The following AXDND1 variants were observed in gnomAD, a reference collection of about 807,000 sequenced individuals.
AXDND1 encodes axonemal dynein light chain domain-containing protein 1.
Under a neutral mutation model 137.5 loss-of-function variants are expected in AXDND1, and 110 were observed. That is an observed-to-expected ratio of 0.80 (90% confidence interval 0.69 to 0.94). The LOEUF (loss-of-function observed/expected upper bound fraction) is 0.94. AXDND1 is among the 40% of genes least tolerant of loss of function. The probability of loss-of-function intolerance (pLI) is 0.00; values close to 1 mark genes in which losing one functional copy is unlikely to be tolerated. For synonymous variants in AXDND1, 414 were observed against 399.7 expected (o/e 1.04, Z -0.43); for missense variants, 1,191 against 1,169.8 (o/e 1.02, Z -0.26).
intron 25 of AXDND1, among the ~76,000 whole-genome samples, chr1:179,537,209 C>G (rs149368344): frequency 1.1e-4 from 16 of 152,354 alleles, no homozygotes; most frequent in East Asian, 5.8e-4. Context: ...ATTTCTTTCT[C>G]TTGCCTGATT....
intron 25 of AXDND1, among the ~76,000 whole-genome samples, chr1:179,541,430 A>T (rs11807786): frequency 2.6e-5 from 4 of 151,792 alleles, no homozygotes; most frequent in Non-Finnish European, 4.4e-5. Flanking sequence ...CTGGGAGCTG[A>T]AGACTGGAGC....
chr1:179,452,319 CTGTTA>C (rs1243526337), intron 16 of AXDND1: 1 of 152,894 alleles, frequency 6.5e-6, no homozygotes, highest in Non-Finnish European at 1.5e-5. Flanking sequence ...GACTTGAGTG[CTGTTA>C]AAGGCATTCA....
chr1:179,499,757 G>A (rs1667809422), intron 20 of AXDND1, among the ~76,000 whole-genome samples: 1 of 152,102 alleles, frequency 6.6e-6, no homozygotes, highest in East Asian at 1.9e-4. Flanking sequence ...AATTATTTCA[G>A]GAATGAGTAA....
At chr1:179,513,592 GA>G (rs944335315) in intron 21 of AXDND1, among the ~76,000 whole-genome samples, 17 of 152,242 alleles carry the variant, frequency 1.1e-4, no homozygotes, top group African/African-American at 4.1e-4. Flanking sequence ...ATGAATTAGG[GA>G]AGGTTCCCTT....
At chr1:179,528,291 A>C in intron 22 of AXDND1, 36 bp from the exon 23 acceptor site, 1 of 1,505,914 alleles carries the variant, frequency 6.6e-7, no homozygotes, top group Non-Finnish European at 9.2e-7. Flanking sequence ...GTGCTACACC[A>C]GCTTGCTAAC....
At position 179,525,383 on chromosome 1, in the gene AXDND1, A is replaced by C. The variant is rs1670433072; in HGVS notation, c.2546A>C (p.Glu849Ala). The part of the protein sequence containing the change: ...IEPEIDESFK[E>A]DEEESKEDRK... The stretch of plus-strand genomic sequence containing the variant: ...CCTGAAATAGACGAGTCTTTTAAAG[A>C]AGATGAAGAAGAAAGTAAGGAGGAT... Residue 849 changes from glutamate to alanine, a missense_variant, in exon 22 of 26, where the codon GAA becomes GCA. Glu to Ala is a moderately radical substitution (Grantham distance 107). Transcript: ENST00000367618. The C allele has an allele frequency of 6.2e-7, 1 of 1,612,454 alleles. No homozygotes were observed. The highest frequency in any genetic ancestry group is 1.3e-5 in the African/African-American group (1 of 74,876).
chr1:179,379,402 G>A lies in AXDND1; in HGVS notation c.501G>A (p.Lys167=). 1 of 1,612,952 alleles carries A rather than the reference G, an allele frequency of 6.2e-7. No homozygotes were observed. Residue 167 remains lysine, a synonymous_variant, in exon 6 of 26, where the codon AAG becomes AAA. Transcript: ENST00000367618. The part of the protein sequence containing the change: ...HDGVIVPHKP[K]TLTDTLIPEE... ...TGCTTTTCTTTTCTTTTAAGCCAAA[G>A]ACACTAACAGATACTTTGATTCCTG...
chr1:179,419,967 C>T (rs1241974653), intron 12 of AXDND1, among the ~76,000 whole-genome samples: 1 of 152,034 alleles, frequency 6.6e-6, no homozygotes, highest in Non-Finnish European at 1.5e-5. Flanking sequence ...ATTGCTCTGT[C>T]CAGGACTTCC....
intron 16 of AXDND1, chr1:179,455,274 CAAAAAAAAA>C (rs1204381530): frequency 2.8e-4 from 14 of 49,680 alleles, no homozygotes; most frequent in African/African-American, 1.0e-3. Flanking sequence ...GACTCTGTTT[CAAAAAAAAA>C]AAAAAAAAAA....
chr1:179,378,669 C>T lies in AXDND1; in HGVS notation c.407C>T (p.Ala136Val). 1 of 1,594,048 alleles carries T rather than the reference C, an allele frequency of 6.3e-7. No homozygotes were observed. The highest frequency in any genetic ancestry group is 8.6e-7 in the Non-Finnish European group (1 of 1,168,394). Residue 136 changes from alanine to valine, a missense_variant, in exon 5 of 26, where the codon GCC becomes GTC. Coordinates refer to ENST00000367618, the MANE Select transcript of AXDND1 (RefSeq NM_144696.6). ...TCTTTTCTGTACGATGTAACATATG[C>T]CAAAGGACAGACTAGGGAGAAGGCA... ...DISFLYDVTY[A>V]KGQTREKAVC...
At chr1:179,491,387 G>C in intron 18 of AXDND1, 151 bp from the exon 19 acceptor site, 1 of 591,098 alleles carries the variant, frequency 1.7e-6, no homozygotes, top group Admixed American at 3.2e-5. Context: ...AAGAAAATAG[G>C]GTCATGCTAG....
At position 179,491,711 on chromosome 1, in the gene AXDND1, G is replaced by T; in HGVS notation, c.2265G>T (p.Leu755Phe). 1 of 1,576,156 alleles carries T rather than the reference G, an allele frequency of 6.3e-7. No homozygotes were observed. The highest frequency in any genetic ancestry group is 8.6e-7 in the Non-Finnish European group (1 of 1,163,776). The change falls in exon 19 of 26, where the codon TTG (leucine) becomes TTT (phenylalanine). Residue 755 changes from leucine to phenylalanine, a missense_variant. Leu to Phe is a conservative substitution (Grantham distance 22). Coordinates refer to ENST00000367618, the MANE Select transcript of AXDND1 (RefSeq NM_144696.6). ...ELDAIELTRK[L>F]YQYSSYLSSC... ...ATGCGATTGAACTGACAAGGAAGTT[G>T]TACCAATACTCCAGCTATTTGAGCA...
intron 13 of AXDND1, among the ~76,000 whole-genome samples, chr1:179,429,971 G>T (rs184897978): frequency 4.7e-5 from 7 of 148,156 alleles, no homozygotes; most frequent in Non-Finnish European, 7.4e-5. Flanking sequence ...AGAAAAGGAG[G>T]GCATTTAGCA....
At chr1:179,393,815 A>G (rs1206200514) in intron 9 of AXDND1, 88 bp from the exon 10 acceptor site, 6 of 1,215,060 alleles carry the variant, frequency 4.9e-6, no homozygotes, top group Non-Finnish European at 6.7e-6. Flanking sequence ...TAGCAGTGCT[A>G]CTGATTTGTG....
chr1:179,383,148 T>G (rs1648648942), intron 7 of AXDND1, among the ~76,000 whole-genome samples: 1 of 152,116 alleles, frequency 6.6e-6, no homozygotes, highest in Non-Finnish European at 1.5e-5. Context: ...TCCCTACATT[T>G]TTTCTTTTTC....
chr1:179,395,497 T>G (rs1650913241), intron 11 of AXDND1, among the ~76,000 whole-genome samples: 1 of 152,180 alleles, frequency 6.6e-6, no homozygotes. Context: ...TGAGCATAGA[T>G]AACATAGATT....
chr1:179,477,976 A>G (rs1188535846), intron 17 of AXDND1, among the ~76,000 whole-genome samples: 1 of 151,458 alleles, frequency 6.6e-6, no homozygotes, highest in Non-Finnish European at 1.5e-5. Flanking sequence ...CCGGCAGGGC[A>G]GACAAATCTT....
intron 11 of AXDND1, among the ~76,000 whole-genome samples, chr1:179,400,191 G>C (rs1651741191): frequency 6.6e-6 from 1 of 152,088 alleles, no homozygotes; most frequent in South Asian, 2.1e-4. Context: ...ATCAATCAAC[G>C]AGTGGATAAA....
At chr1:179,481,966 A>G (rs184879786) in intron 17 of AXDND1, among the ~76,000 whole-genome samples, 14 of 152,252 alleles carry the variant, frequency 9.2e-5, no homozygotes, top group Middle Eastern at 3.4e-3. Context: ...AGTTTAACCT[A>G]TATCTTGAAT....
Sources: gnomAD v4.1 joint callset for allele counts (sites outside exome capture counted in the v4.1 genomes callset) on GRCh38, gnomAD v4.1.1 for gene constraint, MANE v1.5 for transcripts, NCBI Gene and HGNC (gene_info 2026-07-23, HGNC 2026-07-21) for gene names.